The following FRRS1L variants were observed in gnomAD, a reference collection of about 807,000 sequenced individuals.
FRRS1L encodes ferric chelate reductase 1 like, also known as DOMON domain-containing protein FRRS1L.
Under a neutral mutation model 28.6 loss-of-function variants are expected in FRRS1L, and 22 were observed. The observed-to-expected ratio is 0.77, with a 90% CI of 0.55 to 1.10. The LOEUF is 1.10. Among genes scored for constraint, FRRS1L ranks in the 50% least tolerant of loss-of-function variants. The pLI is 0.00. For missense variants in FRRS1L, 380 were observed against 386.9 expected (o/e 0.98, Z 0.15); for synonymous variants, 158 against 151.4 (o/e 1.04, Z -0.32).
Position 109,167,118 on chromosome 9 carries a change from C to T in FRRS1L, c.21G>A (p.Gln7=). MARPPR[Q]HPGVWASLLL... is the part of the protein sequence containing the mutation. The stretch of plus-strand genomic sequence containing the variant: ...GCAGCGACGCCCAGACCCCCGGGTG[C>T]TGCCGGGGCGGCCGCGCCATCCGTG... The change falls in exon 1 of 5, where the codon CAG becomes CAA. Residue 7 remains glutamine (Q), a synonymous_variant. Coordinates refer to ENST00000561981, the MANE Select transcript of FRRS1L (RefSeq NM_014334.4). 1 of 1,168,040 alleles carries T rather than the reference C, an allele frequency of 8.6e-7. No individual in the cohort carries two copies. The allele number at this position is 1,168,040 out of a possible 1,614,324, so 72.4% of individuals were successfully genotyped here. A position where few individuals can be genotyped will look rare whatever the true frequency, so the allele number is the denominator to read the frequency against.
At chr9:109,148,368 T>C (rs752117293) in intron 2 of FRRS1L, 3 of 152,172 alleles carry the variant, frequency 2.0e-5, no homozygotes, top group Non-Finnish European at 4.4e-5. Context: ...ATTATCCAGA[T>C]AGTGAGATTA....
At chr9:109,160,879 G>A (rs1421615952) in intron 1 of FRRS1L, among the ~76,000 whole-genome samples, 1 of 140,246 alleles carries the variant, frequency 7.1e-6, no homozygotes, top group Non-Finnish European at 1.5e-5. Context: ...TGCAAGCTCC[G>A]CCTGCCAGGT....
At position 109,141,714 on chromosome 9, in the gene FRRS1L, C is replaced by T. The variant is rs192500011; in HGVS notation, c.463-125G>A. On this transcript the variant is annotated intron_variant, in intron 3 of 4. Transcript: ENST00000561981. The stretch of plus-strand genomic sequence containing the variant: ...CCCACCAAAAAAATTCTTTTAAGTG[C>T]CATTAAAAAGTCTCAACCAGGAGAC... 1.2e-5 allele frequency: 13 copies of T among 1,067,698 alleles called. No individual in the cohort carries two copies. In the Admixed American group the frequency reaches 1.9e-4, roughly 15 times the overall value. The allele number at this position is 1,067,698 out of a possible 1,614,324, so 66.1% of individuals were successfully genotyped here. A position where few individuals can be genotyped will look rare whatever the true frequency, so the allele number is the denominator to read the frequency against.
intron 1 of FRRS1L, among the ~76,000 whole-genome samples, chr9:109,156,542 C>T (rs1831408319): frequency 6.6e-6 from 1 of 152,036 alleles, no homozygotes; most frequent in African/African-American, 2.4e-5. Flanking sequence ...GGGTGGACCA[C>T]CACGCCCGGC....
chr9:109,148,825 A>G (rs572667828), intron 2 of FRRS1L, among the ~76,000 whole-genome samples: 11 of 152,214 alleles, frequency 7.2e-5, no homozygotes, highest in Non-Finnish European at 1.5e-4. Flanking sequence ...AGGTTTATAC[A>G]TTGCTGACCA....
intron 1 of FRRS1L, among the ~76,000 whole-genome samples, chr9:109,156,149 G>C (rs562976177): frequency 6.6e-6 from 1 of 152,234 alleles, no homozygotes; most frequent in African/African-American, 2.4e-5. Flanking sequence ...GATGCAGAGG[G>C]AGTTCATTCA....
In FRRS1L at chr9:109,166,933, T is replaced by G; in HGVS notation, c.206A>C (p.Glu69Ala). ...HDSSYGTFAG[E>A]FYDLRYLSEE... ...CGACAGGTAGCGCAGGTCGTAGAAC[T>G]CCCCCGCGAAGGTGCCGTAGGAGGA... The change falls in exon 1 of 5, where the codon GAG becomes GCG. Residue 69 changes from glutamate (E) to alanine (A), a missense_variant. Coordinates refer to ENST00000561981, the MANE Select transcript of FRRS1L (RefSeq NM_014334.4). 1 of 1,265,418 alleles carries G rather than the reference T, an allele frequency of 7.9e-7. No homozygotes were observed. Among genetic ancestry groups the G allele is most frequent in the Non-Finnish European group, 1.0e-6 (1 of 988,354 alleles). The allele number at this position is 1,265,418 out of a possible 1,614,324, so 78.4% of individuals were successfully genotyped here.
At position 109,134,812 on chromosome 9, in the gene FRRS1L, A is replaced by G. The variant is rs1487354058; in HGVS notation, c.*2643T>C. 6.6e-6 allele frequency: 1 copy of G among 152,202 alleles called. No individual in the cohort carries two copies. The highest frequency in any genetic ancestry group is 1.5e-5 in the Non-Finnish European group (1 of 68,042). The allele number at this position is 152,202 out of a possible 1,614,324, so 9.4% of individuals were successfully genotyped here. On this transcript the variant is annotated 3_prime_UTR_variant, in exon 5 of 5. Coordinates refer to ENST00000561981, the MANE Select transcript of FRRS1L (RefSeq NM_014334.4). ...GTAGCTCAAATATTATACACATAAGAGAGAGAAATATAAAAATATTTGCTT... is the reference window on the plus strand; with the variant it reads ...GTAGCTCAAATATTATACACATAAGGGAGAGAAATATAAAAATATTTGCTT...
intron 1 of FRRS1L, among the ~76,000 whole-genome samples, chr9:109,164,024 C>T: frequency 6.6e-6 from 1 of 152,190 alleles, no homozygotes; most frequent in East Asian, 1.9e-4. Flanking sequence ...CCCCTCTCTC[C>T]TGGTTCTTCT....
intron 3 of FRRS1L, among the ~76,000 whole-genome samples, chr9:109,142,224 G>C (rs1243372596): frequency 2.0e-5 from 3 of 152,100 alleles, no homozygotes; most frequent in Non-Finnish European, 2.9e-5. Flanking sequence ...AGGGTTAAAG[G>C]ATTATGATAT....
rs1831090263 is a variant in FRRS1L, at chr9:109,134,408, G to A, written c.*3047C>T. On this transcript the variant is annotated 3_prime_UTR_variant, in exon 5 of 5. Coordinates refer to ENST00000561981, the MANE Select transcript of FRRS1L (RefSeq NM_014334.4). ...ACCTATGTAGTCCAGAGATTTGGAG[G>A]AAAAAATATTTAAGTTGTGACCTGA... 1 of 152,136 alleles carries A rather than the reference G, an allele frequency of 6.6e-6. No individual in the cohort carries two copies. The highest frequency in any genetic ancestry group is 1.5e-5 in the Non-Finnish European group (1 of 68,040). The allele number at this position is 152,136 out of a possible 1,614,324, so 9.4% of individuals were successfully genotyped here.
intron 2 of FRRS1L, chr9:109,148,398 T>C (rs553852571): frequency 1.6e-4 from 24 of 152,344 alleles, no homozygotes; most frequent in African/African-American, 5.8e-4. Flanking sequence ...TCATGTTTTT[T>C]TGAGAGCACC....
intron 1 of FRRS1L, among the ~76,000 whole-genome samples, chr9:109,156,595 T>G (rs879736777): frequency 1.1e-4 from 17 of 151,556 alleles, no homozygotes; most frequent in Admixed American, 3.3e-4. Context: ...TTCACCATGT[T>G]AGCCAGGATG....
intron 4 of FRRS1L, 199 bp downstream of exon 4, chr9:109,141,144 T>A: frequency 3.3e-6 from 2 of 610,360 alleles, no homozygotes; most frequent in East Asian, 5.5e-5. Context: ...TGTGTAACTG[T>A]TCATTTGTTT....
intron 1 of FRRS1L, among the ~76,000 whole-genome samples, chr9:109,153,280 T>C (rs1168637827): frequency 6.6e-6 from 1 of 152,156 alleles, no homozygotes; most frequent in African/African-American, 2.4e-5. Context: ...GACCTACCTA[T>C]AGGGAGGGTT....
chr9:109,144,554 A>G (rs560111626), intron 3 of FRRS1L, among the ~76,000 whole-genome samples: 1 of 151,876 alleles, frequency 6.6e-6, no homozygotes, highest in Admixed American at 6.6e-5. Context: ...TAGTAGAGAC[A>G]GGGTTTCACC....
chr9:109,132,922 T>C lies in FRRS1L; in HGVS notation c.*4533A>G, dbSNP rs1285226226. 1 of 152,208 alleles carries C rather than the reference T, an allele frequency of 6.6e-6. No homozygotes were observed. The highest frequency in any genetic ancestry group is 2.4e-5 in the African/African-American group (1 of 41,436). The allele number at this position is 152,208 out of a possible 1,614,324, so 9.4% of individuals were successfully genotyped here. A position where few individuals can be genotyped will look rare whatever the true frequency, so the allele number is the denominator to read the frequency against. ...TATCTGACCCTTAACAGAGAAAGTTTGCTGACCCCTGGAGTAGAGATAAGA... is the reference window on the plus strand; with the variant it reads ...TATCTGACCCTTAACAGAGAAAGTTCGCTGACCCCTGGAGTAGAGATAAGA... On this transcript the variant is annotated 3_prime_UTR_variant, in exon 5 of 5. Transcript: ENST00000561981.
intron 4 of FRRS1L, chr9:109,139,935 T>G (rs1447966386): frequency 6.6e-6 from 1 of 152,224 alleles, no homozygotes; most frequent in Non-Finnish European, 1.5e-5. Context: ...GGAGCCAGAA[T>G]GAATTCTCAG....
Position 109,167,051 on chromosome 9 carries a change from G to T in FRRS1L, c.88C>A (p.Pro30Thr). 2.5e-6 allele frequency: 3 copies of T among 1,191,200 alleles called. No homozygotes were observed. Among genetic ancestry groups the T allele is most frequent in the Non-Finnish European group, 3.1e-6 (3 of 965,160 alleles). The allele number at this position is 1,191,200 out of a possible 1,614,324, so 73.8% of individuals were successfully genotyped here. The change falls in exon 1 of 5, where the codon CCC becomes ACC. Residue 30 changes from proline (P) to threonine (T), a missense_variant. Pro to Thr is a conservative substitution (Grantham distance 38). Transcript: ENST00000561981. ...CCCGGGCCCGCACCGTCGTCCGCGGGGCTGGCTGCGCAGGCGGCGGGCCCC... is the reference window on the plus strand; with the variant it reads ...CCCGGGCCCGCACCGTCGTCCGCGGTGCTGGCTGCGCAGGCGGCGGGCCCC... ...LTGPAACAAS[P>T]ADDGAGPGGR...
Sources: allele counts gnomAD v4.1 joint callset (sites outside exome capture counted in the v4.1 genomes callset), GRCh38; gene constraint gnomAD v4.1.1; transcripts MANE v1.5; gene names NCBI Gene and HGNC (gene_info 2026-07-23, HGNC 2026-07-21).